ANO6: variants seen among roughly 807,000 people sequenced by gnomAD.
The protein encoded by ANO6 is anoctamin-6.
ANO6 carries 106 observed loss-of-function variants against 117.5 expected under a neutral mutation model. The ratio of observed to expected loss-of-function variants is 0.90; its 90% confidence interval spans 0.77 to 1.06. ANO6 has a LOEUF of 1.06. Among genes scored for constraint, ANO6 ranks in the 50% least tolerant of loss-of-function variants. The pLI is 0.00. For missense variants in ANO6, 955 were observed against 1,121.1 expected, an observed-to-expected ratio of 0.85 and a Z score of 2.12; for synonymous variants, 367 against 385.1, an observed-to-expected ratio of 0.95 and a Z score of 0.55.
In ANO6 at chr12:45,438,273, G is replaced by GTA. The variant is rs766216190; in HGVS notation, c.2527-1401_2527-1400insAT. On this transcript the variant is annotated intron_variant, in intron 19 of 19. Coordinates refer to the ANO6 transcript ENST00000425752. ...TGTATGTGTGTGTGTGTGTGTGTGT[G>GTA]TGTATGTATGTGTGTGTAAGATATA... Among the ~76,000 whole-genome samples, 5 of 148,600 alleles carry GTA rather than the reference G, an allele frequency of 3.4e-5. No individual in the cohort carries two copies. The East Asian group carries it at 1.0e-3, about 31-fold the overall frequency.
chr12:45,252,795 A>G (rs1309544862), intron 1 of ANO6, among the ~76,000 whole-genome samples: 3 of 152,246 alleles, frequency 2.0e-5, no homozygotes, highest in African/African-American at 4.8e-5. Flanking sequence ...CGTTTTGTAT[A>G]TAATGGTTTT....
At chr12:45,230,083 A>G (rs1947552378) in intron 1 of ANO6, among the ~76,000 whole-genome samples, 1 of 151,916 alleles carries the variant, frequency 6.6e-6, no homozygotes, top group Non-Finnish European at 1.5e-5. Context: ...TTTGTTTTTT[A>G]TTAGAGATTT....
At chr12:45,370,367 G>A (rs1309917879) in intron 9 of ANO6, among the ~76,000 whole-genome samples, 1 of 152,220 alleles carries the variant, frequency 6.6e-6, no homozygotes, top group African/African-American at 2.4e-5. Context: ...AAGGCAGCTG[G>A]ACTGATCTTG....
At chr12:45,302,776 G>A (rs974522424) in intron 2 of ANO6, among the ~76,000 whole-genome samples, 5 of 152,076 alleles carry the variant, frequency 3.3e-5, no homozygotes, top group African/African-American at 9.7e-5. Flanking sequence ...TTTGGAGGGC[G>A]GGGATGGGAA....
chr12:45,409,617 T>C, intron 16 of ANO6, 130 bp downstream of exon 16: 1 of 1,088,510 alleles, frequency 9.2e-7, no homozygotes, highest in East Asian at 2.5e-5. Context: ...TTTTCTCCAC[T>C]AGATAAAATT....
chr12:45,348,860 C>T (rs1407536585), intron 6 of ANO6, among the ~76,000 whole-genome samples: 1 of 152,166 alleles, frequency 6.6e-6, no homozygotes, highest in African/African-American at 2.4e-5. Flanking sequence ...TGGACAGGAC[C>T]TCTCTCACAG....
intron 8 of ANO6, among the ~76,000 whole-genome samples, chr12:45,359,314 A>G (rs544663232): frequency 1.3e-5 from 2 of 152,322 alleles, no homozygotes; most frequent in African/African-American, 4.8e-5. Context: ...ATGTAATAAA[A>G]TTGAAAATAT....
chr12:45,419,688 A>G (rs895368024), intron 17 of ANO6, among the ~76,000 whole-genome samples: 6 of 152,232 alleles, frequency 3.9e-5, no homozygotes, highest in African/African-American at 1.4e-4. Context: ...TGCTTCATCA[A>G]TGACAATCAT....
At chr12:45,251,859 A>G (rs911800573) in intron 1 of ANO6, among the ~76,000 whole-genome samples, 1 of 152,318 alleles carries the variant, frequency 6.6e-6, no homozygotes, top group African/African-American at 2.4e-5. Flanking sequence ...ACCCTTGACA[A>G]GTTGAAAAGA....
intron 4 of ANO6, 93 bp from the exon 5 acceptor site, chr12:45,347,935 T>C (rs1343499830): frequency 7.9e-7 from 1 of 1,273,248 alleles, no homozygotes. Flanking sequence ...TATTGTTTTT[T>C]TAAAGCTACC....
At chr12:45,287,090 T>C (rs927203311) in intron 1 of ANO6, among the ~76,000 whole-genome samples, 2 of 152,222 alleles carry the variant, frequency 1.3e-5, no homozygotes, top group African/African-American at 2.4e-5. Flanking sequence ...GGAACTTACA[T>C]ACTTTATGCG....
chr12:45,409,291 C>CCAAGGTCATA, intron 15 of ANO6, 66 bp from the exon 16 acceptor site: 1 of 1,592,434 alleles, frequency 6.3e-7, no homozygotes, highest in Non-Finnish European at 8.6e-7. Context: ...GAGATAGCAG[C>CCAAGGTCATA]AAAATATTTT....
chr12:45,227,529 T>C (rs902300923), intron 1 of ANO6, among the ~76,000 whole-genome samples: 1 of 152,020 alleles, frequency 6.6e-6, no homozygotes, highest in Admixed American at 6.6e-5. Flanking sequence ...GGATGCGAGG[T>C]GGTATGCACA....
chr12:45,216,487 A>G (rs971138787), intron 1 of ANO6, 96 bp downstream of exon 1: 46 of 1,395,022 alleles, frequency 3.3e-5, no homozygotes, highest in Non-Finnish European at 4.4e-5. Context: ...TCCGCGGGGG[A>G]GGTTGGCCGA....
chr12:45,347,869 A>G (rs1941178310), intron 4 of ANO6, among the ~76,000 whole-genome samples, 159 bp from the exon 5 acceptor site: 1 of 152,210 alleles, frequency 6.6e-6, no homozygotes, highest in South Asian at 2.1e-4. Flanking sequence ...ACAAAAATTT[A>G]TGATGGTTTG....
chr12:45,351,142 C>T (rs1304510200), intron 7 of ANO6, among the ~76,000 whole-genome samples: 1 of 152,152 alleles, frequency 6.6e-6, no homozygotes, highest in Admixed American at 6.5e-5. Context: ...AGGCGTAGTC[C>T]TAGGGTCCCA....
intron 1 of ANO6, among the ~76,000 whole-genome samples, chr12:45,247,067 A>G (rs1387276746): frequency 6.6e-6 from 1 of 152,124 alleles, no homozygotes; most frequent in African/African-American, 2.4e-5. Context: ...CTGGGACTAC[A>G]GACGTTCGCC....
intron 16 of ANO6, among the ~76,000 whole-genome samples, chr12:45,410,756 G>A (rs562407039): frequency 6.6e-6 from 1 of 152,138 alleles, no homozygotes; most frequent in Non-Finnish European, 1.5e-5. Flanking sequence ...TTACAAGTCT[G>A]CAGTTAGAAG....
chr12:45,429,379 G>T lies in ANO6; in HGVS notation c.*68G>T. 6.4e-7 allele frequency: 1 copy of T among 1,571,160 alleles called. No individual in the cohort carries two copies. Among genetic ancestry groups the T allele is most frequent in the East Asian group, 2.4e-5 (1 of 42,134 alleles). ...TCAAAATATATTAGGAATCACTAAT[G>T]AGAATGTGTAAGTTAAATCACTTTG... On this transcript the variant is annotated 3_prime_UTR_variant, in exon 20 of 20. Coordinates refer to ENST00000320560, the MANE Select transcript of ANO6 (RefSeq NM_001025356.3).
Sources: gnomAD v4.1 joint callset for allele counts (sites outside exome capture counted in the v4.1 genomes callset) on GRCh38, gnomAD v4.1.1 for gene constraint, MANE v1.5 for transcripts, NCBI Gene and HGNC (gene_info 2026-07-23, HGNC 2026-07-21) for gene names.